Variants in KLHL1 observed in about 807,000 individuals in gnomAD.
KLHL1 encodes kelch-like protein 1.
In KLHL1, 47 loss-of-function variants were observed where a neutral mutation model predicts 77.7. The observed-to-expected ratio is 0.60, with a 90% CI of 0.48 to 0.77. The LOEUF (loss-of-function observed/expected upper bound fraction) is 0.77. KLHL1 is among the 30% of genes least tolerant of loss of function. The pLI is 0.00. For missense variants in KLHL1, 925 were observed against 910.8 expected, an observed-to-expected ratio of 1.02 and a Z score of -0.20; for synonymous variants, 360 against 325.2, an observed-to-expected ratio of 1.11 and a Z score of -1.15.
chr13:70,017,614 T>C (rs1367416239), intron 1 of KLHL1, among the ~76,000 whole-genome samples: 1 of 152,168 alleles, frequency 6.6e-6, no homozygotes, highest in Non-Finnish European at 1.5e-5. Context: ...TGCAGCCTGC[T>C]AGGCAGAGTA....
chr13:69,846,382 C>T (rs571674039), intron 5 of KLHL1, among the ~76,000 whole-genome samples: 2 of 151,390 alleles, frequency 1.3e-5, no homozygotes, highest in Admixed American at 1.3e-4. Flanking sequence ...ATAGGATAAA[C>T]TCACACAATT....
At chr13:69,745,964 A>C (rs1396673398) in intron 7 of KLHL1, among the ~76,000 whole-genome samples, 2 of 151,604 alleles carry the variant, frequency 1.3e-5, no homozygotes, top group Non-Finnish European at 3.0e-5. Context: ...AACACAGTAC[A>C]TAGCTTCATT....
intron 4 of KLHL1, among the ~76,000 whole-genome samples, chr13:69,913,500 C>T (rs1000681133): frequency 6.6e-6 from 1 of 152,200 alleles, no homozygotes; most frequent in South Asian, 2.1e-4. Context: ...AAAGATGCTG[C>T]CTGAACCTGC....
chr13:70,054,661 T>A (rs543847838), intron 1 of KLHL1, among the ~76,000 whole-genome samples: 121 of 151,610 alleles, frequency 8.0e-4, no homozygotes, highest in African/African-American at 2.7e-3. Context: ...CAAACAAAAT[T>A]CAAGATAACC....
intron 7 of KLHL1, among the ~76,000 whole-genome samples, chr13:69,787,057 T>C (rs942366103): frequency 1.3e-5 from 2 of 152,114 alleles, no homozygotes; most frequent in Non-Finnish European, 2.9e-5. Flanking sequence ...GTAGGAAGAA[T>C]CAATATCGTG....
chr13:69,982,769 C>A (rs1415005355), intron 1 of KLHL1, among the ~76,000 whole-genome samples: 1 of 151,312 alleles, frequency 6.6e-6, no homozygotes, highest in Non-Finnish European at 1.5e-5. Flanking sequence ...GACTTTAAGA[C>A]AAAAAGGAAG....
chr13:70,094,841 C>T (rs981190326), intron 1 of KLHL1, among the ~76,000 whole-genome samples: 1 of 152,156 alleles, frequency 6.6e-6, no homozygotes, highest in Non-Finnish European at 1.5e-5. Flanking sequence ...CTCTCATCCT[C>T]TCCAGATAGG....
At chr13:69,721,660 T>A (rs1277971659) in intron 8 of KLHL1, among the ~76,000 whole-genome samples, 1 of 152,114 alleles carries the variant, frequency 6.6e-6, no homozygotes, top group East Asian at 1.9e-4. Context: ...TACCATATAA[T>A]AACTCTAAAA....
chr13:69,811,542 T>G (rs1290920828), intron 6 of KLHL1, among the ~76,000 whole-genome samples: 1 of 152,060 alleles, frequency 6.6e-6, no homozygotes, highest in East Asian at 1.9e-4. Flanking sequence ...TGCAGAAGCT[T>G]AAAGCATTCT....
At chr13:69,893,634 T>A (rs1881517565) in intron 4 of KLHL1, among the ~76,000 whole-genome samples, 1 of 152,214 alleles carries the variant, frequency 6.6e-6, no homozygotes, top group Non-Finnish European at 1.5e-5. Context: ...ACATATATTG[T>A]TATGTATGAT....
chr13:69,857,736 ATAGT>A (rs1207802409), intron 5 of KLHL1, among the ~76,000 whole-genome samples: 17 of 152,036 alleles, frequency 1.1e-4, no homozygotes, highest in Non-Finnish European at 1.6e-4. Flanking sequence ...CAGTAGAAAA[ATAGT>A]TAATATAATT....
chr13:70,054,167 A>G (rs1319866623), intron 1 of KLHL1, among the ~76,000 whole-genome samples: 1 of 152,176 alleles, frequency 6.6e-6, no homozygotes, highest in African/African-American at 2.4e-5. Context: ...CTAGTCACAT[A>G]GATTGTCTCA....
chr13:69,902,306 C>T (rs1399910657), intron 4 of KLHL1, among the ~76,000 whole-genome samples: 1 of 152,066 alleles, frequency 6.6e-6, no homozygotes, highest in African/African-American at 2.4e-5. Flanking sequence ...AGGAGATTCT[C>T]ATGAGGTAGA....
intron 1 of KLHL1, among the ~76,000 whole-genome samples, chr13:70,101,950 CA>C (rs553460889): frequency 0.031 from 4,037 of 128,828 alleles, 76 homozygotes; most frequent in Non-Finnish European, 0.045. Flanking sequence ...GATAAAGTAG[CA>C]AAAAAAAAAA....
chr13:69,922,499 T>C (rs1462876694), intron 4 of KLHL1, among the ~76,000 whole-genome samples: 2 of 152,194 alleles, frequency 1.3e-5, no homozygotes, highest in African/African-American at 2.4e-5. Flanking sequence ...TTATGTTTGA[T>C]AGGAACTGCT....
intron 7 of KLHL1, among the ~76,000 whole-genome samples, chr13:69,780,126 A>G (rs898019955): frequency 3.9e-5 from 6 of 152,098 alleles, no homozygotes; most frequent in African/African-American, 1.4e-4. Flanking sequence ...TATTTTATCA[A>G]TCAGATATCC....
chr13:70,081,644 A>C (rs1887394899), intron 1 of KLHL1, among the ~76,000 whole-genome samples: 1 of 152,170 alleles, frequency 6.6e-6, no homozygotes, highest in Non-Finnish European at 1.5e-5. Flanking sequence ...TCTCTCTATT[A>C]AGATAAATTC....
intron 7 of KLHL1, among the ~76,000 whole-genome samples, chr13:69,785,456 A>G (rs1351518661): frequency 1.3e-5 from 2 of 152,182 alleles, no homozygotes; most frequent in African/African-American, 2.4e-5. Flanking sequence ...TTTGAAACCT[A>G]TGAGAACAAA....
chr13:69,971,638 A>G (rs1228769645), intron 2 of KLHL1, among the ~76,000 whole-genome samples: 1 of 151,984 alleles, frequency 6.6e-6, no homozygotes, highest in Admixed American at 6.6e-5. Flanking sequence ...AACTTTCATA[A>G]TACTCTATCA....
Sources: allele counts gnomAD v4.1 joint callset (sites outside exome capture counted in the v4.1 genomes callset), GRCh38; gene constraint gnomAD v4.1.1; transcripts MANE v1.5; gene names NCBI Gene and HGNC (gene_info 2026-07-23, HGNC 2026-07-21).